EYS: variants seen among roughly 807,000 people sequenced by gnomAD.
EYS encodes EGF-like photoreceptor maintenance factor, also known as protein eyes shut homolog.
A neutral mutation model predicts 282.1 loss-of-function variants in EYS; 250 were observed. That is an observed-to-expected ratio of 0.89 (90% confidence interval 0.80 to 0.98). The LOEUF (loss-of-function observed/expected upper bound fraction) is 0.98. Among genes scored for constraint, EYS ranks in the 50% least tolerant of loss-of-function variants. The probability of loss-of-function intolerance (pLI) is 0.00; values close to 1 mark genes in which losing one functional copy is unlikely to be tolerated. For missense variants in EYS, 4,016 were observed against 3,709.0 expected, an observed-to-expected ratio of 1.08 and a Z score of -2.15; for synonymous variants, 1,355 against 1,282.9, an observed-to-expected ratio of 1.06 and a Z score of -1.20.
chr6:65,588,208 T>C (rs910184253), intron 2 of EYS, among the ~76,000 whole-genome samples: 5 of 152,114 alleles, frequency 3.3e-5, no homozygotes, highest in African/African-American at 1.2e-4. Context: ...CATATTTTTG[T>C]ATTGTGTTTC....
At chr6:64,626,009 T>A (rs1767596814) in intron 23 of EYS, 112 bp downstream of exon 23, 2 of 607,132 alleles carry the variant, frequency 3.3e-6, no homozygotes, top group Non-Finnish European at 5.6e-6. Context: ...TCAACAATAG[T>A]ATTGGTGGAG....
At chr6:64,830,365 G>T (rs1765178505) in intron 19 of EYS, among the ~76,000 whole-genome samples, 1 of 151,918 alleles carries the variant, frequency 6.6e-6, no homozygotes, top group Admixed American at 6.6e-5. Context: ...TAATGGGGAG[G>T]GGGGAAGTAG....
intron 35 of EYS, among the ~76,000 whole-genome samples, chr6:63,942,998 A>G (rs1765288544): frequency 6.6e-6 from 1 of 152,354 alleles, no homozygotes; most frequent in African/African-American, 2.4e-5. Context: ...GTAAGAATAC[A>G]GTATATAATG....
At chr6:64,687,967 C>T (rs1004258573) in intron 22 of EYS, among the ~76,000 whole-genome samples, 3 of 151,804 alleles carry the variant, frequency 2.0e-5, no homozygotes, top group Non-Finnish European at 4.4e-5. Context: ...GTGTATGTGT[C>T]CAGGAATTTA....
intron 30 of EYS, among the ~76,000 whole-genome samples, chr6:64,296,853 C>T (rs1373702517): frequency 2.0e-5 from 3 of 152,058 alleles, no homozygotes; most frequent in Admixed American, 2.0e-4. Flanking sequence ...GATCCAACTG[C>T]CTGGGCCTCC....
intron 35 of EYS, among the ~76,000 whole-genome samples, chr6:63,937,359 T>C (rs1765095405): frequency 2.2e-5 from 1 of 45,720 alleles, no homozygotes; most frequent in Admixed American, 2.2e-4. Flanking sequence ...TTTTTTTTTT[T>C]TTTTTTTTTT....
At chr6:65,113,392 T>TA (rs5876941) in intron 12 of EYS, among the ~76,000 whole-genome samples, 17 of 149,916 alleles carry the variant, frequency 1.1e-4, no homozygotes, top group Non-Finnish European at 1.3e-4. Flanking sequence ...TATTGAGATC[T>TA]AAAAAAAAAA....
intron 28 of EYS, among the ~76,000 whole-genome samples, chr6:64,393,727 A>G (rs1376120264): frequency 5.3e-5 from 8 of 151,676 alleles, no homozygotes; most frequent in Middle Eastern, 6.9e-3. Flanking sequence ...GGCACAAGAC[A>G]GGGATGCCCT....
At chr6:65,669,051 T>C (rs1768292181) in intron 1 of EYS, among the ~76,000 whole-genome samples, 1 of 151,964 alleles carries the variant, frequency 6.6e-6, no homozygotes, top group African/African-American at 2.4e-5. Flanking sequence ...TGTATGATGT[T>C]TATTTAAGTA....
intron 19 of EYS, among the ~76,000 whole-genome samples, chr6:64,842,151 A>G (rs1391207840): frequency 6.6e-6 from 1 of 152,012 alleles, no homozygotes; most frequent in Admixed American, 6.6e-5. Flanking sequence ...TGGTTTTACA[A>G]TTAACAGTGA....
intron 30 of EYS, among the ~76,000 whole-genome samples, chr6:64,234,932 G>A (rs936528265): frequency 4.0e-5 from 6 of 151,350 alleles, no homozygotes; most frequent in Non-Finnish European, 8.8e-5. Context: ...AGGCTGGAGT[G>A]TAATGGCCAA....
chr6:64,419,866 G>A (rs1832490), intron 28 of EYS, among the ~76,000 whole-genome samples: 42,151 of 152,064 alleles, frequency 0.28, 5,968 homozygotes, highest in East Asian at 0.46. Flanking sequence ...TTGTTGGTGG[G>A]TCTACCATTC....
At chr6:64,196,707 A>G (rs1275033933) in intron 31 of EYS, among the ~76,000 whole-genome samples, 7 of 143,220 alleles carry the variant, frequency 4.9e-5, no homozygotes, top group Admixed American at 2.9e-4. Flanking sequence ...GAACACATGG[A>G]CACAGGAAGG....
chr6:64,353,783 T>C (rs1771727736), intron 29 of EYS, among the ~76,000 whole-genome samples: 1 of 151,536 alleles, frequency 6.6e-6, no homozygotes, highest in Non-Finnish European at 1.5e-5. Flanking sequence ...GGAAGAAAGT[T>C]TGAAGGAAGA....
intron 35 of EYS, among the ~76,000 whole-genome samples, chr6:63,942,729 A>G (rs573714879): frequency 2.6e-5 from 4 of 152,298 alleles, no homozygotes; most frequent in African/African-American, 9.6e-5. Flanking sequence ...AAAAAACATC[A>G]GACAGAAATT....
intron 1 of EYS, among the ~76,000 whole-genome samples, chr6:65,678,833 T>C (rs1375174987): frequency 1.4e-5 from 2 of 140,712 alleles, no homozygotes; most frequent in Non-Finnish European, 3.1e-5. Flanking sequence ...AAAAAAGACA[T>C]ACAAATGACC....
chr6:65,012,153 T>A (rs987446909), intron 13 of EYS, among the ~76,000 whole-genome samples: 18 of 152,264 alleles, frequency 1.2e-4, no homozygotes, highest in Admixed American at 1.2e-3. Context: ...TCCTGAAAAA[T>A]TTTTTATATT....
At chr6:65,073,099 A>C (rs555795713) in intron 12 of EYS, among the ~76,000 whole-genome samples, 2 of 151,846 alleles carry the variant, frequency 1.3e-5, no homozygotes, top group South Asian at 4.1e-4. Flanking sequence ...GACAACACTC[A>C]GATATATTCT....
chr6:65,305,214 CAA>C (rs200867027), intron 11 of EYS, among the ~76,000 whole-genome samples: 1 of 151,978 alleles, frequency 6.6e-6, no homozygotes, highest in Non-Finnish European at 1.5e-5. Flanking sequence ...CTTCTCTCCA[CAA>C]AAAAGAGACT....
Sources: gnomAD v4.1 joint callset for allele counts (sites outside exome capture counted in the v4.1 genomes callset) on GRCh38, gnomAD v4.1.1 for gene constraint, MANE v1.5 for transcripts, NCBI Gene and HGNC (gene_info 2026-07-23, HGNC 2026-07-21) for gene names.